Variants in ANKH observed in about 807,000 individuals in gnomAD.
ANKH encodes the protein ANKH inorganic pyrophosphate transport regulator.
Under a neutral mutation model 49.0 loss-of-function variants are expected in ANKH, and 15 were observed. The ratio of observed to expected loss-of-function variants is 0.31; its 90% CI spans 0.20 to 0.47. The LOEUF is 0.47. Ranked by LOEUF, ANKH falls within the 20% of genes least tolerant of loss-of-function variation. The pLI, the probability that ANKH is intolerant of heterozygous loss-of-function variation, is 1.00. For synonymous variants in ANKH, 273 were observed against 260.0 expected, an observed-to-expected ratio of 1.05 and a Z score of -0.48; for missense variants, 429 against 652.0, an observed-to-expected ratio of 0.66 and a Z score of 3.72.
At chr5:14,777,635 T>C (rs149972511) in intron 1 of ANKH, among the ~76,000 whole-genome samples, 1 of 152,214 alleles carries the variant, frequency 6.6e-6, no homozygotes, top group Non-Finnish European at 1.5e-5. Context: ...AGGCACCAAT[T>C]CACCCCAATC....
chr5:14,772,467 T>C (rs1739476414), intron 1 of ANKH, among the ~76,000 whole-genome samples: 1 of 152,214 alleles, frequency 6.6e-6, no homozygotes, highest in South Asian at 2.1e-4. Flanking sequence ...CTCTAATTGT[T>C]TTCCTTTTTT....
intron 8 of ANKH, among the ~76,000 whole-genome samples, chr5:14,736,893 T>C (rs1397424699): frequency 2.0e-5 from 3 of 152,214 alleles, no homozygotes; most frequent in Non-Finnish European, 4.4e-5. Flanking sequence ...TTTGCATGGA[T>C]TCTTCTCTAT....
chr5:14,758,693 G>T, intron 2 of ANKH, 95 bp from the exon 3 acceptor site: 1 of 962,472 alleles, frequency 1.0e-6, no homozygotes, highest in Non-Finnish European at 1.7e-6. Context: ...TTTAAATGTA[G>T]TATTTGTTCG....
chr5:14,765,317 A>G (rs16903697), intron 2 of ANKH, among the ~76,000 whole-genome samples: 3,656 of 152,334 alleles, frequency 0.024, 162 homozygotes, highest in African/African-American at 0.083. Context: ...ATGGGTGTGC[A>G]TAGTATGGAC....
Position 14,871,699 on chromosome 5 carries a change from G to T in ANKH, c.-252C>A. Reference sequence around the variant, plus strand: ...CCTCCCACACAACAAAGATCTGCCGGGAAAAAAAAGAGGAGGGACGGCGGC... The same window carrying T: ...CCTCCCACACAACAAAGATCTGCCGTGAAAAAAAAGAGGAGGGACGGCGGC... On this transcript the variant is annotated 5_prime_UTR_variant, in exon 1 of 12. Transcript: ENST00000284268. 6.2e-6 allele frequency: 1 copy of T among 160,760 alleles called. No individual in the cohort carries two copies. The highest frequency in any genetic ancestry group is 1.3e-5 in the Non-Finnish European group (1 of 76,154). The allele number at this position is 160,760 out of a possible 1,614,324, so 10.0% of individuals were successfully genotyped here.
chr5:14,746,226 C>A (rs965536695), intron 6 of ANKH, among the ~76,000 whole-genome samples: 1 of 151,792 alleles, frequency 6.6e-6, no homozygotes, highest in Non-Finnish European at 1.5e-5. Context: ...GAGGGGGATG[C>A]GTCACATTTT....
intron 1 of ANKH, among the ~76,000 whole-genome samples, chr5:14,812,922 A>G (rs145424842): frequency 6.6e-6 from 1 of 152,342 alleles, no homozygotes; most frequent in East Asian, 1.9e-4. Flanking sequence ...TACAGTAATA[A>G]AATAAGCAGA....
At chr5:14,732,178 C>A (rs1247217345) in intron 8 of ANKH, among the ~76,000 whole-genome samples, 1 of 152,164 alleles carries the variant, frequency 6.6e-6, no homozygotes, top group Non-Finnish European at 1.5e-5. Context: ...TATTCATTCC[C>A]CTCTTTTTGT....
intron 8 of ANKH, chr5:14,724,483 C>A: frequency 1.1e-6 from 1 of 906,454 alleles, no homozygotes; most frequent in South Asian, 5.1e-5. Context: ...TTAAGGTCCC[C>A]CAATAGGATC....
At chr5:14,838,524 T>C (rs1466196363) in intron 1 of ANKH, among the ~76,000 whole-genome samples, 1 of 152,136 alleles carries the variant, frequency 6.6e-6, no homozygotes, top group Non-Finnish European at 1.5e-5. Context: ...GGGGTATGTA[T>C]GTCCTTCTCA....
intron 8 of ANKH, among the ~76,000 whole-genome samples, chr5:14,738,966 C>T (rs182336377): frequency 3.6e-4 from 55 of 152,270 alleles, no homozygotes; most frequent in Admixed American, 3.2e-3. Flanking sequence ...CAGTGTCAAG[C>T]AGGATGCTAA....
chr5:14,792,083 G>A (rs1216407932), intron 1 of ANKH, among the ~76,000 whole-genome samples: 1 of 152,174 alleles, frequency 6.6e-6, no homozygotes, highest in African/African-American at 2.4e-5. Context: ...TGGGACGAGG[G>A]TGGAGGGCTC....
chr5:14,817,888 AC>A (rs1309679951), intron 1 of ANKH, among the ~76,000 whole-genome samples: 4 of 151,996 alleles, frequency 2.6e-5, no homozygotes, highest in African/African-American at 9.7e-5. Flanking sequence ...ACACGGTAAA[AC>A]CCCATCTCTA....
intron 1 of ANKH, among the ~76,000 whole-genome samples, chr5:14,776,927 G>T (rs757087432): frequency 6.6e-6 from 1 of 152,188 alleles, no homozygotes; most frequent in African/African-American, 2.4e-5. Flanking sequence ...ATGGCACAAG[G>T]CATTTCAGAT....
intron 1 of ANKH, among the ~76,000 whole-genome samples, chr5:14,822,947 T>A (rs1246504684): frequency 6.6e-6 from 1 of 151,280 alleles, no homozygotes; most frequent in Admixed American, 6.6e-5. Context: ...GGCAGGAGAA[T>A]GGCGTGAACC....
chr5:14,776,502 T>C (rs1056755226), intron 1 of ANKH, among the ~76,000 whole-genome samples: 2 of 151,810 alleles, frequency 1.3e-5, no homozygotes, highest in Admixed American at 1.3e-4. Context: ...ACACTAGGAG[T>C]AAATCTAAAC....
chr5:14,812,687 T>A (rs1375627410), intron 1 of ANKH, among the ~76,000 whole-genome samples: 1 of 152,202 alleles, frequency 6.6e-6, no homozygotes, highest in Non-Finnish European at 1.5e-5. Flanking sequence ...ACTGATCAAG[T>A]TCCTTACCTT....
intron 7 of ANKH, among the ~76,000 whole-genome samples, chr5:14,744,852 C>G (rs777410476): frequency 1.2e-4 from 18 of 152,214 alleles, no homozygotes; most frequent in Non-Finnish European, 2.5e-4. Context: ...AGGAGAGAGG[C>G]CTGCAGCCTG....
intron 2 of ANKH, among the ~76,000 whole-genome samples, chr5:14,760,265 C>G (rs1739034726): frequency 6.6e-6 from 1 of 152,136 alleles, no homozygotes; most frequent in Non-Finnish European, 1.5e-5. Flanking sequence ...TTAGTTATAG[C>G]AAGGGACATG....
Sources: gnomAD v4.1 joint callset for allele counts (sites outside exome capture counted in the v4.1 genomes callset) on GRCh38, gnomAD v4.1.1 for gene constraint, MANE v1.5 for transcripts, NCBI Gene and HGNC (gene_info 2026-07-23, HGNC 2026-07-21) for gene names.